PCSK6: variants seen among roughly 807,000 people sequenced by gnomAD.
The protein encoded by PCSK6 is proprotein convertase subtilisin/kexin type 6, also known as paired basic amino acid cleaving enzyme 4.
A neutral mutation model predicts 123.3 loss-of-function variants in PCSK6; 85 were observed. The observed-to-expected ratio is 0.69, with a 90% CI of 0.58 to 0.83. The LOEUF is 0.83. Among genes scored for constraint, PCSK6 ranks in the 40% least tolerant of loss-of-function variants. The pLI is 0.00. For synonymous variants in PCSK6, 508 were observed against 516.0 expected, an observed-to-expected ratio of 0.98 and a Z score of 0.21; for missense variants, 1,191 against 1,282.3, an observed-to-expected ratio of 0.93 and a Z score of 1.09.
chr15:101,463,859 T>C (rs911228916), intron 1 of PCSK6, among the ~76,000 whole-genome samples: 4 of 152,018 alleles, frequency 2.6e-5, no homozygotes, highest in African/African-American at 7.3e-5. Context: ...TTAGAGAGCA[T>C]ATAGAAGGGG....
chr15:101,422,911 G>A (rs4539577), intron 6 of PCSK6, among the ~76,000 whole-genome samples: 1,777 of 152,180 alleles, frequency 0.012, 34 homozygotes, highest in African/African-American at 0.04. Flanking sequence ...GTGAGCCACC[G>A]CGCCTGGCCA....
At chr15:101,384,636 T>C (rs1489689388) in intron 9 of PCSK6, among the ~76,000 whole-genome samples, 1 of 152,194 alleles carries the variant, frequency 6.6e-6, no homozygotes, top group Non-Finnish European at 1.5e-5. Context: ...AAAGGTTCAA[T>C]GGGTGACCCA....
At chr15:101,345,312 G>A (rs183156024) in intron 13 of PCSK6, among the ~76,000 whole-genome samples, 67 of 152,162 alleles carry the variant, frequency 4.4e-4, no homozygotes, top group African/African-American at 1.5e-3. Flanking sequence ...TTTTGATCTT[G>A]ACTTTGTTTT....
At chr15:101,313,025 C>A in intron 20 of PCSK6, 1 of 1,177,182 alleles carries the variant, frequency 8.5e-7, no homozygotes. Flanking sequence ...TTTTTTTAAC[C>A]CAAAACATGG....
intron 1 of PCSK6, among the ~76,000 whole-genome samples, chr15:101,484,107 A>G (rs1319755305): frequency 6.6e-6 from 1 of 152,178 alleles, no homozygotes; most frequent in Non-Finnish European, 1.5e-5. Flanking sequence ...CACATGTAAT[A>G]TACCCTGATA....
chr15:101,346,815 C>A, intron 13 of PCSK6: 1 of 1,231,408 alleles, frequency 8.1e-7, no homozygotes, highest in Non-Finnish European at 1.0e-6. Flanking sequence ...ATGCTTTCTA[C>A]TGGAGATACA....
intron 1 of PCSK6, 86 bp from the exon 2 acceptor site, chr15:101,443,746 A>G (rs529360159): frequency 1.3e-3 from 1,201 of 919,088 alleles, no homozygotes; most frequent in Non-Finnish European, 1.4e-3. Flanking sequence ...TCTCCCCCTT[A>G]TCTGAGGGGC....
At chr15:101,450,762 C>T (rs1349521833) in intron 1 of PCSK6, among the ~76,000 whole-genome samples, 1 of 152,144 alleles carries the variant, frequency 6.6e-6, no homozygotes. Flanking sequence ...TGTCTTTGAG[C>T]TCTCTCTCAG....
At chr15:101,435,685 A>G (rs1434814048) in intron 2 of PCSK6, among the ~76,000 whole-genome samples, 1 of 152,252 alleles carries the variant, frequency 6.6e-6, no homozygotes, top group Non-Finnish European at 1.5e-5. Context: ...GTGCGCAGCA[A>G]CACTTTCTTT....
Position 101,382,138 on chromosome 15 carries a change from C to T in PCSK6, c.1486G>A (p.Val496Met). The change falls in exon 11 of 22, where the codon GTG (valine) becomes ATG (methionine). Residue 496 changes from valine (V) to methionine (M), a missense_variant. Physicochemically the swap from Val to Met is conservative, Grantham distance 21. This residue lies in a region of PCSK6 where 630 missense variants were observed against 631.4 expected (regional missense o/e 1.00). Transcript: ENST00000611716. ...LVVEAKKWTA[V>M]PSQHMCVAAS... is the part of the protein sequence containing the mutation. Reference sequence around the variant, plus strand: ...GCCACACACATGTGCTGCGATGGCACTGCTGTCCACTTCTTTGCCTCCACA... The same window carrying T: ...GCCACACACATGTGCTGCGATGGCATTGCTGTCCACTTCTTTGCCTCCACA... 1 of 1,612,682 alleles carries T rather than the reference C, an allele frequency of 6.2e-7. No individual in the cohort carries two copies. The highest frequency in any genetic ancestry group is 1.7e-4 in the Middle Eastern group (1 of 6,060).
intron 13 of PCSK6, among the ~76,000 whole-genome samples, chr15:101,357,584 G>A (rs369961393): frequency 9.2e-5 from 14 of 152,342 alleles, no homozygotes; most frequent in Non-Finnish European, 1.8e-4. Flanking sequence ...GCGTCATAGC[G>A]TGCAGGCAGG....
At position 101,318,349 on chromosome 15, in the gene PCSK6, C is replaced by T. The variant is rs377389298; in HGVS notation, c.2539G>A (p.Glu847Lys). 5.1e-6 allele frequency: 8 copies of T among 1,563,950 alleles called. No individual in the cohort carries two copies. Among genetic ancestry groups the T allele is most frequent in the Non-Finnish European group, 6.1e-6 (7 of 1,154,278 alleles). Reference sequence around the variant, plus strand: ...CAGGTTCCGCAGGTGTGATGGCATTCCCCACATCTGATCAGCTCTGAGTCA... The same window carrying T: ...CAGGTTCCGCAGGTGTGATGGCATTTCCCACATCTGATCAGCTCTGAGTCA... ...YFDSELIRCGECHHTCGTCVG... is the reference protein window; with the variant it reads ...YFDSELIRCGKCHHTCGTCVG... Residue 847 changes from glutamate to lysine, a missense_variant, in exon 19 of 22, where the codon GAA (glutamate) becomes AAA (lysine). Around this residue, in one of 3 missense-constraint regions of PCSK6, gnomAD observed 630 missense variants for 631.4 expected, o/e 1.00. Transcript: ENST00000611716.
intron 19 of PCSK6, among the ~76,000 whole-genome samples, chr15:101,316,775 G>T (rs74041994): frequency 0.028 from 4,209 of 152,270 alleles, 199 homozygotes; most frequent in African/African-American, 0.094. Flanking sequence ...CATCAGGCCT[G>T]TCTATTCCAG....
intron 19 of PCSK6, among the ~76,000 whole-genome samples, chr15:101,314,729 G>A (rs2039948753): frequency 6.6e-6 from 1 of 152,184 alleles, no homozygotes; most frequent in Non-Finnish European, 1.5e-5. Context: ...AAGGCCACAG[G>A]GTTTTGAGCA....
At chr15:101,464,838 C>T (rs1333872296) in intron 1 of PCSK6, among the ~76,000 whole-genome samples, 2 of 152,158 alleles carry the variant, frequency 1.3e-5, no homozygotes, top group Non-Finnish European at 2.9e-5. Context: ...TCTATCCCGC[C>T]GGTGACAAGG....
intron 13 of PCSK6, among the ~76,000 whole-genome samples, chr15:101,362,969 C>G (rs940842228): frequency 6.6e-6 from 1 of 152,130 alleles, no homozygotes; most frequent in Non-Finnish European, 1.5e-5. Flanking sequence ...GTGGGGGACC[C>G]TGACGAGCCC....
rs867715844 is a variant in PCSK6 at position 101,389,482 on chromosome 15, G to T, written c.1292C>A (p.Ala431Asp). 6.2e-7 allele frequency: 1 copy of T among 1,613,150 alleles called. No homozygotes were observed. Among genetic ancestry groups the T allele is most frequent in the East Asian group, 2.2e-5 (1 of 44,886 alleles). The change falls in exon 9 of 22, where the codon GCC becomes GAC. Residue 431 changes from alanine to aspartate, a missense_variant. Around this residue, in one of 3 missense-constraint regions of PCSK6, gnomAD observed 357 missense variants for 484.5 expected, o/e 0.74. Coordinates refer to ENST00000611716, the MANE Select transcript of PCSK6 (RefSeq NM_002570.5). ...VSAPMVAGIIALALEANSQLT... is the reference protein window; with the variant it reads ...VSAPMVAGIIDLALEANSQLT... The stretch of plus-strand genomic sequence containing the variant: ...AACTTACTTTGCTTCTAGAGCCAAG[G>T]CGATGATGCCCGCCACCATGGGGGC...
intron 11 of PCSK6, among the ~76,000 whole-genome samples, chr15:101,378,997 C>T (rs559220099): frequency 1.1e-4 from 17 of 152,206 alleles, no homozygotes; most frequent in South Asian, 2.1e-4. Flanking sequence ...GAGCATGACT[C>T]GGGCAGGCGG....
At chr15:101,470,750 G>T (rs536145912) in intron 1 of PCSK6, among the ~76,000 whole-genome samples, 1 of 152,142 alleles carries the variant, frequency 6.6e-6, no homozygotes, top group Non-Finnish European at 1.5e-5. Context: ...GAGTCTGACC[G>T]CTGTGTCTTT....
Sources: allele counts gnomAD v4.1 joint callset (sites outside exome capture counted in the v4.1 genomes callset), GRCh38; gene constraint gnomAD v4.1.1; regional missense constraint gnomAD v4.1.1; transcripts MANE v1.5; gene names NCBI Gene and HGNC (gene_info 2026-07-23, HGNC 2026-07-21).